PTPRZ1: variants seen among roughly 807,000 people sequenced by gnomAD.
PTPRZ1 encodes the protein receptor-type tyrosine-protein phosphatase zeta.
Under a neutral mutation model 214.1 loss-of-function variants are expected in PTPRZ1, and 82 were observed. The observed-to-expected ratio is 0.38, with a 90% CI of 0.32 to 0.46. The LOEUF (loss-of-function observed/expected upper bound fraction) is 0.46. PTPRZ1 is among the 20% of genes least tolerant of loss of function. PTPRZ1 has a pLI of 1.00. For synonymous variants in PTPRZ1, 945 were observed against 987.9 expected (o/e 0.96, Z 0.81); for missense variants, 2,603 against 2,748.7 (o/e 0.95, Z 1.19).
intron 6 of PTPRZ1, among the ~76,000 whole-genome samples, chr7:121,983,055 C>T (rs73440926): frequency 0.015 from 2,223 of 152,310 alleles, 44 homozygotes; most frequent in African/African-American, 0.049. Flanking sequence ...TGAGCCACCA[C>T]GCCCGGCCTG....
Position 122,012,238 on chromosome 7 carries a change from C to A in PTPRZ1, c.3192C>A (p.Tyr1064Ter). The A allele has an allele frequency of 6.2e-7, 1 of 1,613,960 alleles. No individual in the cohort carries two copies. The highest frequency in any genetic ancestry group is 8.5e-7 in the Non-Finnish European group (1 of 1,179,898). The change falls in exon 12 of 30, where the codon TAC becomes TAA. Residue 1064 changes from tyrosine to a stop codon, truncating the protein, a stop_gained. Transcript: ENST00000393386. LOFTEE classifies it high-confidence loss of function. ...LQIPSFNEMV[Y>*]PSESTVMPNM... Reference sequence around the variant, plus strand: ...TTCCTTCTTTCAATGAGATGGTTTACCCTTCTGAAAGCACAGTCATGCCCA... The same window carrying A: ...TTCCTTCTTTCAATGAGATGGTTTAACCTTCTGAAAGCACAGTCATGCCCA...
intron 2 of PTPRZ1, among the ~76,000 whole-genome samples, chr7:121,944,261 T>A (rs974893662): frequency 1.3e-5 from 2 of 152,142 alleles, no homozygotes; most frequent in Non-Finnish European, 2.9e-5. Flanking sequence ...CCAAGGAAAT[T>A]TCCTTTTTTA....
At chr7:121,998,302 A>G (rs1331292131) in intron 10 of PTPRZ1, among the ~76,000 whole-genome samples, 1 of 152,182 alleles carries the variant, frequency 6.6e-6, no homozygotes, top group African/African-American at 2.4e-5. Context: ...TGCTATGTAA[A>G]TGTTGAGACT....
intron 7 of PTPRZ1, 27 bp from the exon 8 acceptor site, chr7:121,983,940 T>C (rs1359700631): frequency 6.2e-7 from 1 of 1,607,314 alleles, no homozygotes. Flanking sequence ...GAAGCAGATA[T>C]GTTAAATTAT....
chr7:121,904,000 A>ACACACACACACACAC (rs1554427275), intron 1 of PTPRZ1, among the ~76,000 whole-genome samples: 5 of 151,380 alleles, frequency 3.3e-5, no homozygotes, highest in African/African-American at 7.3e-5. Context: ...ACACACACAC[A>ACACACACACACACAC]ATAGTAGGTG....
At chr7:121,880,985 G>A (rs904205831) in intron 1 of PTPRZ1, among the ~76,000 whole-genome samples, 2 of 152,160 alleles carry the variant, frequency 1.3e-5, no homozygotes, top group Admixed American at 6.5e-5. Flanking sequence ...AATCCTGGCT[G>A]CATTTTGAAC....
At chr7:122,022,735 C>T in intron 13 of PTPRZ1, among the ~76,000 whole-genome samples, 1 of 152,086 alleles carries the variant, frequency 6.6e-6, no homozygotes, top group East Asian at 1.9e-4. Context: ...AAGGCATTGC[C>T]TAACCCAGCA....
rs1410076490 is a variant in PTPRZ1, at chr7:121,965,645, ACTCT to A, written c.125-2301_125-2298del. Among the ~76,000 whole-genome samples the A allele has an allele frequency of 3.9e-5, 6 of 152,058 alleles. No homozygotes were observed. The East Asian group carries it at 1.2e-3, about 29-fold the overall frequency. ...CAAATTTAACCTAATCAAGGAAGCG[ACTCT>A]CTCTTCATATTCATAAGTCCTGTTC... is the stretch of plus-strand genomic sequence containing the variant. On this transcript the variant is annotated intron_variant, in intron 2 of 29. Coordinates refer to ENST00000393386, the MANE Select transcript of PTPRZ1 (RefSeq NM_002851.3).
intron 2 of PTPRZ1, among the ~76,000 whole-genome samples, chr7:121,935,549 TTTGTTTG>T (rs1397331436): frequency 1.2e-3 from 47 of 40,354 alleles, no homozygotes; most frequent in African/African-American, 6.4e-3. Context: ...GTTTTTTTTG[TTTGTTTG>T]TTTGTTTGTT....
chr7:121,990,174 T>A (rs762116787), intron 8 of PTPRZ1, among the ~76,000 whole-genome samples: 1 of 152,162 alleles, frequency 6.6e-6, no homozygotes, highest in Non-Finnish European at 1.5e-5. Flanking sequence ...AAAGCTAGCA[T>A]AAAAATTGTC....
At chr7:122,057,902 C>A (rs1792412534) in intron 27 of PTPRZ1, among the ~76,000 whole-genome samples, 1 of 150,280 alleles carries the variant, frequency 6.7e-6, no homozygotes, top group South Asian at 2.1e-4. Flanking sequence ...ACCCATTGTC[C>A]CACCATTATT....
At chr7:121,992,147 A>C (rs1797986395) in intron 8 of PTPRZ1, among the ~76,000 whole-genome samples, 1 of 152,138 alleles carries the variant, frequency 6.6e-6, no homozygotes, top group African/African-American at 2.4e-5. Flanking sequence ...GCCACTCCCT[A>C]AGAATCACCT....
At chr7:121,962,822 C>T (rs1489496943) in intron 2 of PTPRZ1, among the ~76,000 whole-genome samples, 1 of 152,034 alleles carries the variant, frequency 6.6e-6, no homozygotes, top group Non-Finnish European at 1.5e-5. Context: ...CCTCGGCCTC[C>T]CAAAGTGCTG....
intron 8 of PTPRZ1, among the ~76,000 whole-genome samples, chr7:121,989,985 A>AT (rs907637397): frequency 3.9e-5 from 6 of 152,056 alleles, no homozygotes; most frequent in East Asian, 1.9e-4. Context: ...CTGTTTACTG[A>AT]TTTTTTTTAC....
intron 1 of PTPRZ1, among the ~76,000 whole-genome samples, chr7:121,923,034 T>C (rs1389390583): frequency 6.6e-6 from 1 of 152,220 alleles, no homozygotes; most frequent in Non-Finnish European, 1.5e-5. Flanking sequence ...AGTGTGAAGA[T>C]GGATAGTGAT....
At chr7:121,893,390 C>A (rs1563004593) in intron 1 of PTPRZ1, among the ~76,000 whole-genome samples, 1 of 152,202 alleles carries the variant, frequency 6.6e-6, no homozygotes, top group Non-Finnish European at 1.5e-5. Flanking sequence ...ATCCAATGTT[C>A]TTTTATCTTG....
In PTPRZ1 at chr7:121,873,412, A is replaced by G. The variant is rs984675845; in HGVS notation, c.-88A>G. ...TACACTGGAGGATTAAAACAAACAA[A>G]CAAAAAAAACATTTCCTTCGCTCCC... On this transcript the variant is annotated 5_prime_UTR_variant, in exon 1 of 30. Transcript: ENST00000393386. The G allele has an allele frequency of 7.3e-7, 1 of 1,378,036 alleles. No homozygotes were observed. The highest frequency in any genetic ancestry group is 1.0e-6 in the Non-Finnish European group (1 of 994,568). 85.4% of individuals were successfully genotyped at this position (1,378,036 alleles called of 1,614,324 possible).
chr7:122,023,424 C>T (rs973376975), intron 13 of PTPRZ1, among the ~76,000 whole-genome samples: 28 of 146,322 alleles, frequency 1.9e-4, no homozygotes, highest in Admixed American at 7.1e-4. Context: ...TTGTAGCCAG[C>T]GAGGCATGGT....
At chr7:122,054,130 A>G in intron 26 of PTPRZ1, 92 bp downstream of exon 26, 1 of 1,438,214 alleles carries the variant, frequency 7.0e-7, no homozygotes, top group Non-Finnish European at 9.5e-7. Context: ...AAGCAAAGTA[A>G]TTTTGTTTTC....
Sources: gnomAD v4.1 joint callset for allele counts (sites outside exome capture counted in the v4.1 genomes callset) on GRCh38, gnomAD v4.1.1 for gene constraint, MANE v1.5 for transcripts, NCBI Gene and HGNC (gene_info 2026-07-23, HGNC 2026-07-21) for gene names.